The following HLA-DRB5 variants were observed in gnomAD, a reference collection of about 807,000 sequenced individuals.
The protein encoded by HLA-DRB5 is major histocompatibility complex, class II, DR beta 5, also known as DR beta-5.
HLA-DRB5 carries 11 observed loss-of-function variants against 22.4 expected under a neutral mutation model. That is an observed-to-expected ratio of 0.49 (90% CI 0.31 to 0.81). The LOEUF (loss-of-function observed/expected upper bound fraction) is 0.81, where lower values mean the gene tolerates loss of function less well. Ranked by LOEUF, HLA-DRB5 falls within the 40% of genes least tolerant of loss-of-function variation. The pLI, the probability that HLA-DRB5 is intolerant of heterozygous loss-of-function variation, is 0.05. For synonymous variants in HLA-DRB5, 57 were observed against 106.0 expected, an observed-to-expected ratio of 0.54 and a Z score of 2.84; for missense variants, 106 against 274.4, an observed-to-expected ratio of 0.39 and a Z score of 4.34.
chr6:32,521,866 G>A (rs201838009), intron 2 of HLA-DRB5, 39 bp downstream of exon 2: 1 of 1,037,622 alleles, frequency 9.6e-7, no homozygotes, highest in Admixed American at 2.3e-5. Context: ...CAGATTCCCA[G>A]CTCACAAGGA....
chr6:32,525,388 T>TA lies in HLA-DRB5; in HGVS notation c.101-3215_101-3214insT, dbSNP rs149187830. On this transcript the variant is annotated intron_variant, in intron 1 of 5. Coordinates refer to ENST00000374975, the MANE Select transcript of HLA-DRB5 (RefSeq NM_002125.4). ...TCAAATGTATTCCCATTTTAATTTT[T>TA]TGATCCCTATAACTGGAGCTCACAT... Among the ~76,000 whole-genome samples the TA allele has an allele frequency of 8.5e-3, 298 of 35,036 alleles. 1 individual carries two copies. The highest frequency in any genetic ancestry group is 0.023 in the Middle Eastern group (1 of 44). The allele number at this position is 35,036 out of a possible 152,430, so 23.0% of individuals were successfully genotyped here.
chr6:32,520,785 C>T (rs185641567), intron 2 of HLA-DRB5, among the ~76,000 whole-genome samples: 792 of 29,272 alleles, frequency 0.027, 25 homozygotes, highest in East Asian at 0.057. Flanking sequence ...TTTTATTAAA[C>T]AGAAATGTTC....
At position 32,526,320 on chromosome 6, in the gene HLA-DRB5, T is replaced by G. The variant is rs189600472; in HGVS notation, c.100+3805A>C. ...AAAAAAAAAATCTATTTTTCTTGAC[T>G]TACACATATGATGTAATCTTGGTTT... On this transcript the variant is annotated intron_variant, in intron 1 of 5. Coordinates refer to ENST00000374975, the MANE Select transcript of HLA-DRB5 (RefSeq NM_002125.4). 1.6e-3 allele frequency among the ~76,000 whole-genome samples: 57 copies of G among 34,596 alleles called. 2 individuals are homozygous for G. Among genetic ancestry groups the G allele is most frequent in the Non-Finnish European group, 1.8e-3 (30 of 16,676 alleles). The allele number at this position is 34,596 out of a possible 152,430, so 22.7% of individuals were successfully genotyped here. A position where few individuals can be genotyped will look rare whatever the true frequency, so the allele number is the denominator to read the frequency against.
chr6:32,522,304 GA>G, intron 1 of HLA-DRB5, 130 bp from the exon 2 acceptor site: 2 of 211,330 alleles, frequency 9.5e-6, no homozygotes, highest in South Asian at 9.7e-5. Flanking sequence ...CCATAACCCC[GA>G]CCACGCGCAG....
chr6:32,525,659 G>A (rs116645073), intron 1 of HLA-DRB5, among the ~76,000 whole-genome samples: 40,781 of 59,286 alleles, frequency 0.69, 16,395 homozygotes, highest in Middle Eastern at 0.82. Context: ...CCAAATTTGT[G>A]ATACTGGGTT....
intron 1 of HLA-DRB5, 54 bp downstream of exon 1, chr6:32,530,071 A>ATGT (rs1310057291): frequency 3.0e-6 from 3 of 1,004,744 alleles, no homozygotes; most frequent in East Asian, 2.9e-5. Flanking sequence ...ATGTTAACAA[A>ATGT]ACTCCCTATT....
chr6:32,519,705 CT>C, intron 2 of HLA-DRB5, 54 bp from the exon 3 acceptor site: 1 of 462,276 alleles, frequency 2.2e-6, no homozygotes. Context: ...GTGAATCTCC[CT>C]TTTTGGCTGT....
chr6:32,530,137 C>G lies in HLA-DRB5; in HGVS notation c.88G>C (p.Gly30Arg). 1 of 1,507,700 alleles carries G rather than the reference C, an allele frequency of 6.6e-7. No individual in the cohort carries two copies. The highest frequency in any genetic ancestry group is 9.1e-7 in the Non-Finnish European group (1 of 1,095,408). The allele number at this position is 1,507,700 out of a possible 1,614,324, so 93.4% of individuals were successfully genotyped here. A position where few individuals can be genotyped will look rare whatever the true frequency, so the allele number is the denominator to read the frequency against. The change falls in exon 1 of 6, where the codon GGG (glycine) becomes CGG (arginine). Residue 30 changes from glycine (G) to arginine (R), a missense_variant. Gly to Arg is a moderately radical substitution (Grantham distance 125, BLOSUM62 -2). Transcript: ENST00000374975. ...MVLSSPLALA[G>R]DTRPRFLQQD... Reference sequence around the variant, plus strand: ...AATGTGCACTTACGTCGGGTGTCCCCAGCCAAAGCCAGTGGGGAGCTCAGC... The same window carrying G: ...AATGTGCACTTACGTCGGGTGTCCCGAGCCAAAGCCAGTGGGGAGCTCAGC...
At chr6:32,525,786 ACT>A (rs1219167798) in intron 1 of HLA-DRB5, among the ~76,000 whole-genome samples, 1 of 141,100 alleles carries the variant, frequency 7.1e-6, no homozygotes, top group African/African-American at 2.6e-5. Flanking sequence ...GTACACAGTC[ACT>A]GCAAAATGTT....
At chr6:32,526,517 CTTTTTT>C (rs369892846) in intron 1 of HLA-DRB5, among the ~76,000 whole-genome samples, 1 of 25,140 alleles carries the variant, frequency 4.0e-5, no homozygotes. Flanking sequence ...CCATGAGTCT[CTTTTTT>C]TTTTTTTTTT....
chr6:32,521,893 C>CG lies in HLA-DRB5; in HGVS notation c.370+11_370+12insC, dbSNP rs1196953561. On this transcript the variant is annotated intron_variant, in intron 2 of 5. Coordinates refer to ENST00000374975, the MANE Select transcript of HLA-DRB5 (RefSeq NM_002125.4). ...TCACAAGGACCCAGGCCCCGCCCCC[C>CG]ACCATGCTCACCTCGCCGCTGCACT... is the stretch of plus-strand genomic sequence containing the variant. The CG allele has an allele frequency of 1.5e-6, 2 of 1,357,236 alleles. No individual in the cohort carries two copies. Among genetic ancestry groups the CG allele is most frequent in the Non-Finnish European group, 2.0e-6 (2 of 987,580 alleles). 84.1% of individuals were successfully genotyped at this position (1,357,236 alleles called of 1,614,324 possible).
chr6:32,526,038 C>A (rs144414641), intron 1 of HLA-DRB5, among the ~76,000 whole-genome samples: 8,862 of 81,580 alleles, frequency 0.11, 79 homozygotes, highest in Admixed American at 0.14. Context: ...CCTCTTTAGC[C>A]TTTTCCTTTT....
intron 1 of HLA-DRB5, among the ~76,000 whole-genome samples, chr6:32,523,559 G>GC (rs200670048): frequency 0.051 from 1,326 of 25,986 alleles, 291 homozygotes; most frequent in East Asian, 0.061. Flanking sequence ...AATAATTGCA[G>GC]AGCATCACTA....
chr6:32,519,109 G>T (rs796773362), intron 3 of HLA-DRB5, among the ~76,000 whole-genome samples: 25,636 of 78,976 alleles, frequency 0.32, 1,871 homozygotes, highest in Middle Eastern at 0.46. Flanking sequence ...CCTGGGAGAG[G>T]GGGTGACCCT....
At chr6:32,525,706 T>A (rs1364225139) in intron 1 of HLA-DRB5, among the ~76,000 whole-genome samples, 1 of 112,936 alleles carries the variant, frequency 8.9e-6, no homozygotes, top group Non-Finnish European at 1.9e-5. Flanking sequence ...TCCAGAGATG[T>A]ACATGTTTTT....
rs797007090 is a variant in HLA-DRB5, at chr6:32,517,805, C to A, written c.788-53G>T. ...TCAGACCTGGTTCCACTAACAGCTT[C>A]TTTTCCTCTCTTTCAAGGACTCAGA... On this transcript the variant is annotated intron_variant, in intron 5 of 5. Transcript: ENST00000374975. The A allele has an allele frequency of 4.9e-3, 2,161 of 444,706 alleles. 74 individuals are homozygous for A. The highest frequency in any genetic ancestry group is 0.014 in the Admixed American group (193 of 13,916). The allele number at this position is 444,706 out of a possible 1,614,324, so 27.5% of individuals were successfully genotyped here. A position where few individuals can be genotyped will look rare whatever the true frequency, so the allele number is the denominator to read the frequency against.
chr6:32,525,861 A>G (rs1411248973), intron 1 of HLA-DRB5, among the ~76,000 whole-genome samples: 1 of 111,316 alleles, frequency 9.0e-6, no homozygotes, highest in East Asian at 2.3e-4. Flanking sequence ...CATGACCTAG[A>G]GTAGTAACTG....
chr6:32,521,595 C>A (rs192750423), intron 2 of HLA-DRB5, among the ~76,000 whole-genome samples: 1 of 77,450 alleles, frequency 1.3e-5, no homozygotes, highest in African/African-American at 4.6e-5. Context: ...TCCTCTCTCT[C>A]CAGCCCCCTG....
At position 32,522,311 on chromosome 6, in the gene HLA-DRB5, C is replaced by A. The variant is rs1451331332; in HGVS notation, c.101-137G>T. ...GATCCCAACCATAACCCCGACCACGCGCAGCCCAGAGGCTCATCCTCCGTC... is the reference window on the plus strand; with the variant it reads ...GATCCCAACCATAACCCCGACCACGAGCAGCCCAGAGGCTCATCCTCCGTC... On this transcript the variant is annotated intron_variant, in intron 1 of 5. Coordinates refer to ENST00000374975, the MANE Select transcript of HLA-DRB5 (RefSeq NM_002125.4). 210 of 201,070 alleles carry A rather than the reference C, an allele frequency of 1.0e-3. 3 individuals carry two copies. Among genetic ancestry groups the A allele is most frequent in the Admixed American group, 6.8e-3 (55 of 8,034 alleles). The allele number at this position is 201,070 out of a possible 1,614,324, so 12.5% of individuals were successfully genotyped here.
Sources: allele counts gnomAD v4.1 joint callset (sites outside exome capture counted in the v4.1 genomes callset), GRCh38; gene constraint gnomAD v4.1.1; transcripts MANE v1.5; gene names NCBI Gene and HGNC (gene_info 2026-07-23, HGNC 2026-07-21).